The following CENPP variants were observed in gnomAD, a reference collection of about 807,000 sequenced individuals.
CENPP encodes the protein centromere protein P.
A neutral mutation model predicts 35.6 loss-of-function variants in CENPP; 24 were observed. The ratio of observed to expected loss-of-function variants is 0.67; its 90% CI spans 0.49 to 0.95. The LOEUF (loss-of-function observed/expected upper bound fraction) is 0.95, where lower values mean the gene tolerates loss of function less well. CENPP is among the 40% of genes least tolerant of loss of function. The pLI, the probability that CENPP is intolerant of heterozygous loss-of-function variation, is 0.00. For synonymous variants in CENPP, 120 were observed against 125.5 expected (o/e 0.96, Z 0.29); for missense variants, 332 against 345.3 (o/e 0.96, Z 0.31).
In CENPP at chr9:92,352,538, T is replaced by C. The variant is rs1263525499; in HGVS notation, c.467+6751T>C. The stretch of plus-strand genomic sequence containing the variant: ...ATATATATATATATATATATATATA[T>C]AATATAACGGGGAGTTTATTAAATA... On this transcript the variant is annotated intron_variant, in intron 4 of 7. Coordinates refer to ENST00000375587, the MANE Select transcript of CENPP (RefSeq NM_001012267.3). Among the ~76,000 whole-genome samples the C allele has an allele frequency of 1.7e-5, 2 of 114,434 alleles. 1 individual carries two copies. Among genetic ancestry groups the C allele is most frequent in the Non-Finnish European group, 3.4e-5 (2 of 58,264 alleles). The allele number at this position is 114,434 out of a possible 152,430, so 75.1% of individuals were successfully genotyped here.
chr9:92,392,596 C>T (rs1842730759), intron 5 of CENPP, among the ~76,000 whole-genome samples: 1 of 148,818 alleles, frequency 6.7e-6, no homozygotes, highest in African/African-American at 2.5e-5. Flanking sequence ...GCCTGGGCAA[C>T]AGAGCAAGAC....
chr9:92,588,462 C>G (rs1850593323), intron 5 of CENPP, among the ~76,000 whole-genome samples: 3 of 151,764 alleles, frequency 2.0e-5, no homozygotes, highest in Non-Finnish European at 4.4e-5. Context: ...ACCTTGTTAG[C>G]CAGGATGGTC....
intron 5 of CENPP, among the ~76,000 whole-genome samples, chr9:92,450,403 T>C (rs1240838601): frequency 6.6e-6 from 1 of 152,072 alleles, no homozygotes; most frequent in African/African-American, 2.4e-5. Flanking sequence ...GTTTCATCCA[T>C]GTCCCTACAA....
chr9:92,400,396 G>A (rs529806905), intron 5 of CENPP, among the ~76,000 whole-genome samples: 8 of 152,108 alleles, frequency 5.3e-5, no homozygotes, highest in African/African-American at 9.7e-5. Flanking sequence ...TGATCCACCC[G>A]CCTCAGCCTC....
Position 92,613,254 on chromosome 9 carries a change from G to A in CENPP, c.*105G>A, listed in dbSNP as rs565469263. 7.3e-5 allele frequency: 100 copies of A among 1,373,208 alleles called. No individual in the cohort carries two copies. Among genetic ancestry groups the A allele is most frequent in the Admixed American group, 2.8e-4 (16 of 56,732 alleles). 85.1% of individuals were successfully genotyped at this position (1,373,208 alleles called of 1,614,324 possible). On this transcript the variant is annotated 3_prime_UTR_variant, in exon 8 of 8. Coordinates refer to ENST00000375587, the MANE Select transcript of CENPP (RefSeq NM_001012267.3). The stretch of plus-strand genomic sequence containing the variant: ...TTCTGCTTAGAAACCACACCCTGAA[G>A]ACGTGCTGTCTATGCAGTTATGGCA...
chr9:92,602,953 G>A (rs996848115), intron 5 of CENPP, among the ~76,000 whole-genome samples: 1 of 152,036 alleles, frequency 6.6e-6, no homozygotes, highest in African/African-American at 2.4e-5. Context: ...ACCACGCCCA[G>A]CTAATTTTTG....
intron 5 of CENPP, among the ~76,000 whole-genome samples, chr9:92,554,774 A>G (rs1849685460): frequency 6.6e-6 from 1 of 152,028 alleles, no homozygotes. Context: ...AATAGCTGAG[A>G]CTACAGGCGC....
chr9:92,592,101 A>G (rs1850677973), intron 5 of CENPP, among the ~76,000 whole-genome samples: 1 of 152,216 alleles, frequency 6.6e-6, no homozygotes, highest in Non-Finnish European at 1.5e-5. Context: ...ATATACATGT[A>G]TAAATGTATA....
chr9:92,548,979 C>T (rs182131556), intron 5 of CENPP, among the ~76,000 whole-genome samples: 4 of 152,218 alleles, frequency 2.6e-5, no homozygotes, highest in African/African-American at 7.2e-5. Flanking sequence ...CTTTCTATCC[C>T]AAATATCAAC....
chr9:92,340,203 G>A (rs993270347), intron 3 of CENPP: 3 of 152,466 alleles, frequency 2.0e-5, no homozygotes, highest in African/African-American at 7.2e-5. Flanking sequence ...GGCAGAATTA[G>A]TCTTGTCCTT....
At chr9:92,359,797 T>C (rs1016787084) in intron 4 of CENPP, among the ~76,000 whole-genome samples, 5 of 152,036 alleles carry the variant, frequency 3.3e-5, no homozygotes, top group Non-Finnish European at 7.4e-5. Flanking sequence ...GTCCTTTTTT[T>C]TTTTTTGCTT....
At chr9:92,446,056 A>C (rs1252187234) in intron 5 of CENPP, among the ~76,000 whole-genome samples, 4 of 152,160 alleles carry the variant, frequency 2.6e-5, no homozygotes, top group Non-Finnish European at 4.4e-5. Context: ...GTAAAGAATA[A>C]AAGTTGCTAG....
chr9:92,454,722 G>A (rs1160106460), intron 5 of CENPP, among the ~76,000 whole-genome samples: 3 of 152,056 alleles, frequency 2.0e-5, no homozygotes, highest in Non-Finnish European at 4.4e-5. Flanking sequence ...ACCTTGTTCA[G>A]TGTTGTCACC....
chr9:92,519,929 C>A (rs1347826781), intron 5 of CENPP, among the ~76,000 whole-genome samples: 2 of 151,046 alleles, frequency 1.3e-5, no homozygotes, highest in Non-Finnish European at 1.5e-5. Flanking sequence ...GTCCTGATAT[C>A]CAGAATATTC....
intron 5 of CENPP, among the ~76,000 whole-genome samples, chr9:92,553,318 A>C (rs901277655): frequency 1.3e-5 from 2 of 152,056 alleles, no homozygotes; most frequent in Non-Finnish European, 2.9e-5. Context: ...CTGTGGCCTT[A>C]TAGTTTGAAA....
chr9:92,341,428 G>A (rs1453387276), intron 3 of CENPP, among the ~76,000 whole-genome samples: 1 of 152,122 alleles, frequency 6.6e-6, no homozygotes, highest in Non-Finnish European at 1.5e-5. Context: ...GGCTCGTGGG[G>A]CATCACGGAT....
intron 5 of CENPP, among the ~76,000 whole-genome samples, chr9:92,413,402 G>A (rs1435541279): frequency 6.6e-6 from 1 of 152,120 alleles, no homozygotes; most frequent in African/African-American, 2.4e-5. Context: ...GCCAACACTT[G>A]TTATTTGTCT....
chr9:92,570,724 G>C (rs1850115068), intron 5 of CENPP, among the ~76,000 whole-genome samples: 1 of 152,122 alleles, frequency 6.6e-6, no homozygotes, highest in Non-Finnish European at 1.5e-5. Flanking sequence ...TTTTTTGGTT[G>C]GTAGGCTATT....
intron 5 of CENPP, among the ~76,000 whole-genome samples, chr9:92,494,624 T>C (rs1846266852): frequency 6.6e-6 from 1 of 152,150 alleles, no homozygotes; most frequent in Admixed American, 6.5e-5. Context: ...ATGGAATAAG[T>C]CTTGCCTGGT....
Sources: gnomAD v4.1 joint callset for allele counts (sites outside exome capture counted in the v4.1 genomes callset) on GRCh38, gnomAD v4.1.1 for gene constraint, MANE v1.5 for transcripts, NCBI Gene and HGNC (gene_info 2026-07-23, HGNC 2026-07-21) for gene names.